NCAM2: variants seen among roughly 807,000 people sequenced by gnomAD.
NCAM2 encodes the protein neural cell adhesion molecule 2, also known as N-CAM-2.
In NCAM2, 30 loss-of-function variants were observed where a neutral mutation model predicts 98.1. The ratio of observed to expected loss-of-function variants is 0.31; its 90% CI spans 0.23 to 0.41. The LOEUF (loss-of-function observed/expected upper bound fraction) is 0.41. Among genes scored for constraint, NCAM2 ranks in the 10% least tolerant of loss-of-function variants. NCAM2 has a pLI of 1.00. For missense variants in NCAM2, 867 were observed against 1,005.8 expected (o/e 0.86, Z 1.87); for synonymous variants, 368 against 342.4 (o/e 1.07, Z -0.83).
chr21:21,276,428 C>T (rs1444897448), intron 1 of NCAM2, among the ~76,000 whole-genome samples: 2 of 151,992 alleles, frequency 1.3e-5, no homozygotes, highest in Non-Finnish European at 2.9e-5. Flanking sequence ...ATATATTCAT[C>T]ATGCATTTAC....
rs572634221 is a variant in NCAM2 at position 21,248,341 on chromosome 21, A to T, written c.56-32237A>T. Among the ~76,000 whole-genome samples, 6 of 152,216 alleles carry T rather than the reference A, an allele frequency of 3.9e-5. No homozygotes were observed. The East Asian group carries it at 1.2e-3, about 29-fold the overall frequency. On this transcript the variant is annotated intron_variant, in intron 1 of 17. Transcript: ENST00000400546. Reference sequence around the variant, plus strand: ...AATTAAATGTTAATATTCCCTCATCATTTAAATAATTTCATTTTGATTATC... The same window carrying T: ...AATTAAATGTTAATATTCCCTCATCTTTTAAATAATTTCATTTTGATTATC...
chr21:21,130,244 C>T (rs1206513392), intron 1 of NCAM2, among the ~76,000 whole-genome samples: 1 of 152,146 alleles, frequency 6.6e-6, no homozygotes, highest in Non-Finnish European at 1.5e-5. Flanking sequence ...TTGACATCAT[C>T]TAGCAGTTGG....
intron 16 of NCAM2, among the ~76,000 whole-genome samples, chr21:21,514,002 G>A (rs1005842588): frequency 6.6e-6 from 1 of 151,408 alleles, no homozygotes; most frequent in Non-Finnish European, 1.5e-5. Context: ...TTTCTATTAG[G>A]TTGCCTTTCT....
chr21:21,073,069 C>T (rs1168004232), intron 1 of NCAM2, among the ~76,000 whole-genome samples: 1 of 152,116 alleles, frequency 6.6e-6, no homozygotes. Context: ...TGGAATAATG[C>T]AATATTTGTT....
chr21:21,509,322 G>A (rs920661717), intron 16 of NCAM2, among the ~76,000 whole-genome samples: 2 of 152,202 alleles, frequency 1.3e-5, no homozygotes, highest in East Asian at 3.9e-4. Flanking sequence ...ATTTATAGAT[G>A]ATAAACATAT....
intron 1 of NCAM2, among the ~76,000 whole-genome samples, chr21:21,133,306 C>T (rs2066973860): frequency 6.6e-6 from 1 of 152,174 alleles, no homozygotes; most frequent in Admixed American, 6.5e-5. Context: ...GTCTACTCAA[C>T]ATGGAGTTTA....
In NCAM2 at chr21:21,533,166, C is replaced by CTTTTTTTTTTTTTTTTTTTTTTT. The variant is rs201532023; in HGVS notation, c.2283-1358_2283-1357insTTTTTTTTTTTTTTTTTTTTTTT. Among the ~76,000 whole-genome samples the CTTTTTTTTTTTTTTTTTTTTTTT allele has an allele frequency of 5.8e-4, 54 of 93,768 alleles. 1 individual carries two copies. The highest frequency in any genetic ancestry group is 8.9e-4 in the Non-Finnish European group (43 of 48,212). The allele number at this position is 93,768 out of a possible 152,430, so 61.5% of individuals were successfully genotyped here. On this transcript the variant is annotated intron_variant, in intron 16 of 17. Coordinates refer to ENST00000400546, the MANE Select transcript of NCAM2 (RefSeq NM_004540.5). The stretch of plus-strand genomic sequence containing the variant: ...CCATTGTAGATTTGTTGTTTGCTTG[C>CTTTTTTTTTTTTTTTTTTTTTTT]TTTTTTTTTTTTTGGTAATCCTAGT...
At chr21:21,244,844 TAAA>T (rs11410837) in intron 1 of NCAM2, among the ~76,000 whole-genome samples, 1 of 99,938 alleles carries the variant, frequency 1.0e-5, no homozygotes, top group Non-Finnish European at 1.8e-5. Flanking sequence ...AGACTCTGTC[TAAA>T]AAAAAAAAAA....
At chr21:21,124,817 G>A (rs1406519835) in intron 1 of NCAM2, among the ~76,000 whole-genome samples, 1 of 152,100 alleles carries the variant, frequency 6.6e-6, no homozygotes, top group Non-Finnish European at 1.5e-5. Context: ...GTCTCAATGA[G>A]ACATGTATGT....
chr21:21,348,246 A>T (rs983553820), intron 8 of NCAM2, among the ~76,000 whole-genome samples: 6 of 152,158 alleles, frequency 3.9e-5, no homozygotes, highest in Non-Finnish European at 8.8e-5. Context: ...GTCAGAACTG[A>T]TAAATTCAGT....
intron 9 of NCAM2, among the ~76,000 whole-genome samples, chr21:21,409,664 A>AT (rs1371398462): frequency 2.0e-5 from 3 of 152,202 alleles, no homozygotes; most frequent in Non-Finnish European, 2.9e-5. Flanking sequence ...GTCAATATGT[A>AT]TTTTTTGTCA....
intron 5 of NCAM2, among the ~76,000 whole-genome samples, chr21:21,299,575 C>G (rs1456546221): frequency 6.6e-6 from 1 of 151,638 alleles, no homozygotes; most frequent in Non-Finnish European, 1.5e-5. Flanking sequence ...CTCTCTCTCT[C>G]TCTTTCTCTC....
chr21:21,016,083 T>G (rs2064302907), intron 1 of NCAM2, among the ~76,000 whole-genome samples: 1 of 152,206 alleles, frequency 6.6e-6, no homozygotes, highest in Admixed American at 6.5e-5. Flanking sequence ...CTTCCCTCAA[T>G]ACTCATTGGC....
chr21:21,504,751 T>TAAC (rs1987868901), intron 15 of NCAM2, among the ~76,000 whole-genome samples: 1 of 151,748 alleles, frequency 6.6e-6, no homozygotes, highest in African/African-American at 2.4e-5. Flanking sequence ...ACATAGAACA[T>TAAC]AACTTTCAAA....
intron 1 of NCAM2, among the ~76,000 whole-genome samples, chr21:21,182,948 A>C (rs1047091801): frequency 6.6e-6 from 1 of 152,150 alleles, no homozygotes; most frequent in African/African-American, 2.4e-5. Flanking sequence ...ATAATTTGAT[A>C]ATTTTTAAAA....
At chr21:21,394,678 G>A (rs1310819429) in intron 9 of NCAM2, among the ~76,000 whole-genome samples, 5 of 151,268 alleles carry the variant, frequency 3.3e-5, no homozygotes, top group South Asian at 2.1e-4. Context: ...TAGTAGAGAC[G>A]GGGTTTCACT....
chr21:21,033,568 C>A (rs149542285), intron 1 of NCAM2, among the ~76,000 whole-genome samples: 12 of 151,952 alleles, frequency 7.9e-5, no homozygotes, highest in African/African-American at 2.9e-4. Context: ...TGACCTCCCC[C>A]CCAAAACAAT....
intron 1 of NCAM2, chr21:21,147,277 A>G (rs2146682684): frequency 1.0e-6 from 1 of 983,162 alleles, no homozygotes; most frequent in Non-Finnish European, 1.2e-6. Flanking sequence ...TGTGTCACTG[A>G]ATGAGAATTA....
chr21:21,480,230 A>G (rs1485013024), intron 15 of NCAM2, among the ~76,000 whole-genome samples: 5 of 151,690 alleles, frequency 3.3e-5, no homozygotes, highest in Non-Finnish European at 5.9e-5. Flanking sequence ...AGCTGGGCGT[A>G]CTGGCGGGCG....
Sources: allele counts gnomAD v4.1 joint callset (sites outside exome capture counted in the v4.1 genomes callset), GRCh38; gene constraint gnomAD v4.1.1; transcripts MANE v1.5; gene names NCBI Gene and HGNC (gene_info 2026-07-23, HGNC 2026-07-21).